The following ACBD6 variants were observed in gnomAD, a reference collection of about 807,000 sequenced individuals.
ACBD6 encodes acyl-CoA-binding domain-containing protein 6.
Under a neutral mutation model 37.2 loss-of-function variants are expected in ACBD6, and 28 were observed. The ratio of observed to expected loss-of-function variants is 0.75; its 90% CI spans 0.56 to 1.03. The LOEUF (loss-of-function observed/expected upper bound fraction) is 1.03, where lower values mean the gene tolerates loss of function less well. Among genes scored for constraint, ACBD6 ranks in the 50% least tolerant of loss-of-function variants. The probability of loss-of-function intolerance (pLI) is 0.00; values close to 1 mark genes in which losing one functional copy is unlikely to be tolerated. For missense variants in ACBD6, 340 were observed against 337.4 expected, an observed-to-expected ratio of 1.01 and a Z score of -0.06; for synonymous variants, 113 against 126.8, an observed-to-expected ratio of 0.89 and a Z score of 0.73.
At chr1:180,460,156 G>A (rs148332210) in intron 3 of ACBD6, among the ~76,000 whole-genome samples, 32 of 123,376 alleles carry the variant, frequency 2.6e-4, no homozygotes, top group African/African-American at 6.9e-4. Flanking sequence ...AGTAGGCCCC[G>A]GTGTGTGATG....
chr1:180,418,487 T>C (rs185658273), intron 4 of ACBD6, among the ~76,000 whole-genome samples: 2 of 151,918 alleles, frequency 1.3e-5, no homozygotes, highest in South Asian at 2.1e-4. Flanking sequence ...GCTAAGGTGA[T>C]AGGATCAATT....
intron 7 of ACBD6, among the ~76,000 whole-genome samples, chr1:180,295,271 A>ATTT (rs35514630): frequency 7.6e-6 from 1 of 131,932 alleles, no homozygotes; most frequent in African/African-American, 2.7e-5. Flanking sequence ...GCATCCTGCA[A>ATTT]TTTTTTTTTT....
rs1649277179 is a variant in ACBD6 at position 180,280,542 on chromosome 1, G to A, written c.*174+764C>T. On this transcript the variant is annotated intron_variant, in intron 9 of 13. Transcript: ENST00000642319. ...AAAGTTAGTACCTCCCAGGCAGAAT[G>A]CCCAGTGGGATTCTTGGAGGGATTA... Among the ~76,000 whole-genome samples, 4 of 152,174 alleles carry A rather than the reference G, an allele frequency of 2.6e-5. No homozygotes were observed. In the South Asian group the frequency reaches 8.3e-4, roughly 31 times the overall value.
At chr1:180,479,711 A>G (rs1331798041) in intron 3 of ACBD6, among the ~76,000 whole-genome samples, 1 of 152,154 alleles carries the variant, frequency 6.6e-6, no homozygotes, top group Non-Finnish European at 1.5e-5. Context: ...GGAAAATACA[A>G]GCAGTATGGC....
intron 6 of ACBD6, among the ~76,000 whole-genome samples, chr1:180,350,735 T>C (rs1008568588): frequency 3.9e-5 from 6 of 152,212 alleles, no homozygotes; most frequent in African/African-American, 1.4e-4. Flanking sequence ...AATTCATAAC[T>C]GAAGATGTCT....
intron 3 of ACBD6, among the ~76,000 whole-genome samples, chr1:180,483,877 T>G (rs1316203554): frequency 6.6e-6 from 1 of 152,174 alleles, no homozygotes; most frequent in African/African-American, 2.4e-5. Context: ...ATAGTACCCA[T>G]GCATCTTGAA....
At chr1:180,337,275 T>A (rs1394311900) in intron 6 of ACBD6, among the ~76,000 whole-genome samples, 2 of 151,810 alleles carry the variant, frequency 1.3e-5, no homozygotes, top group Non-Finnish European at 2.9e-5. Context: ...AAAAACCGAA[T>A]CCAGCAGCAC....
rs978015029 is a variant in ACBD6, at chr1:180,271,622, G to A, written c.*1603C>T. The A allele has an allele frequency of 3.3e-6, 5 of 1,530,968 alleles. No individual in the cohort carries two copies. In the African/African-American group the frequency reaches 5.5e-5, roughly 17 times the overall value. 94.8% of individuals were successfully genotyped at this position (1,530,968 alleles called of 1,614,324 possible). ...TCCTGAGTGACATCAGCTCACGGGT[G>A]GTTGGGCTCAGGGCTTGACCCCAGG... On this transcript the variant is annotated 3_prime_UTR_variant, in exon 14 of 14. Coordinates refer to the ACBD6 transcript ENST00000642319.
intron 3 of ACBD6, among the ~76,000 whole-genome samples, chr1:180,455,577 G>GA (rs11421674): frequency 0.038 from 5,783 of 151,902 alleles, 130 homozygotes; most frequent in Middle Eastern, 0.058. Context: ...ACCTAAAAGT[G>GA]AAAAAAAGTT....
chr1:180,403,226 T>C lies in ACBD6; in HGVS notation c.574-5621A>G, dbSNP rs547189020. Among the ~76,000 whole-genome samples the C allele has an allele frequency of 3.3e-5, 5 of 152,280 alleles. No homozygotes were observed. In the South Asian group the frequency reaches 1.0e-3, roughly 32 times the overall value. On this transcript the variant is annotated intron_variant, in intron 5 of 7. Transcript: ENST00000367595. ...GCTGGGAAGGGGCATGAGGAAACTT[T>C]CTGGGGCGACAGCAATGTTCTATAT...
intron 3 of ACBD6, among the ~76,000 whole-genome samples, chr1:180,481,916 T>C (rs534643059): frequency 1.3e-4 from 20 of 152,318 alleles, no homozygotes; most frequent in African/African-American, 4.8e-4. Context: ...GAAGAGTCTA[T>C]GGGCTGGATG....
intron 6 of ACBD6, among the ~76,000 whole-genome samples, chr1:180,365,875 A>T (rs1169700317): frequency 6.6e-6 from 1 of 151,988 alleles, no homozygotes; most frequent in Non-Finnish European, 1.5e-5. Context: ...TCTTTTTCCC[A>T]TCTTTCAGGC....
chr1:180,427,370 C>T (rs1429917560), intron 4 of ACBD6, among the ~76,000 whole-genome samples: 3 of 152,152 alleles, frequency 2.0e-5, no homozygotes, highest in African/African-American at 7.2e-5. Flanking sequence ...TTTGATGCTT[C>T]TAAAACTCTA....
intron 6 of ACBD6, among the ~76,000 whole-genome samples, chr1:180,321,693 T>G (rs1961741): frequency 0.88 from 133,691 of 152,112 alleles, 59,398 homozygotes; most frequent in East Asian, 0.98. Flanking sequence ...GAAATGCTAC[T>G]GATTTTTGTA....
chr1:180,314,500 C>T (rs535333644), intron 7 of ACBD6, among the ~76,000 whole-genome samples, 192 bp downstream of exon 7: 3 of 152,332 alleles, frequency 2.0e-5, no homozygotes, highest in East Asian at 1.9e-4. Flanking sequence ...CCGCCTCAGC[C>T]TCCCATAGTG....
intron 6 of ACBD6, among the ~76,000 whole-genome samples, chr1:180,355,872 A>ATT (rs34079820): frequency 1.4e-5 from 2 of 147,880 alleles, no homozygotes; most frequent in African/African-American, 5.0e-5. Flanking sequence ...TATTGCTATA[A>ATT]TTTTTTTTTT....
intron 1 of ACBD6, among the ~76,000 whole-genome samples, chr1:180,500,939 T>A (rs1397127847): frequency 6.6e-6 from 1 of 152,156 alleles, no homozygotes; most frequent in Non-Finnish European, 1.5e-5. Flanking sequence ...TACCCAAGTG[T>A]CTTGCACATA....
chr1:180,325,922 G>A (rs914792130), intron 6 of ACBD6, among the ~76,000 whole-genome samples: 3 of 152,168 alleles, frequency 2.0e-5, no homozygotes, highest in African/African-American at 4.8e-5. Context: ...GGGGTGGAGT[G>A]ATGCAAAAAC....
At chr1:180,490,004 C>A (rs945075673) in intron 3 of ACBD6, among the ~76,000 whole-genome samples, 1 of 152,128 alleles carries the variant, frequency 6.6e-6, no homozygotes, top group South Asian at 2.1e-4. Context: ...TACTAAAGTA[C>A]TGAAGGTAAG....
Sources: allele counts gnomAD v4.1 joint callset (sites outside exome capture counted in the v4.1 genomes callset), GRCh38; gene constraint gnomAD v4.1.1; transcripts MANE v1.5; gene names NCBI Gene and HGNC (gene_info 2026-07-23, HGNC 2026-07-21).